Variants in RDH10 observed in about 807,000 individuals in gnomAD.
RDH10 encodes retinol dehydrogenase 10 (all-trans).
A neutral mutation model predicts 30.2 loss-of-function variants in RDH10; 12 were observed. The observed-to-expected ratio is 0.40, with a 90% CI of 0.25 to 0.64. RDH10 has a LOEUF of 0.64. Among genes scored for constraint, RDH10 ranks in the 30% least tolerant of loss-of-function variants. RDH10 has a pLI of 0.43. For missense variants in RDH10, 268 were observed against 445.2 expected, an observed-to-expected ratio of 0.60 and a Z score of 3.58; for synonymous variants, 189 against 172.2, an observed-to-expected ratio of 1.10 and a Z score of -0.76.
At chr8:73,299,743 G>C (rs1425378023) in intron 2 of RDH10, among the ~76,000 whole-genome samples, 1 of 152,178 alleles carries the variant, frequency 6.6e-6, no homozygotes, top group Non-Finnish European at 1.5e-5. Context: ...GTGTAATCAG[G>C]TTTTTAAGAA....
rs1321192669 is a variant in RDH10, at chr8:73,295,173, C to T, written c.-117C>T. 13 of 1,027,734 alleles carry T rather than the reference C, an allele frequency of 1.3e-5. No homozygotes were observed. Among genetic ancestry groups the T allele is most frequent in the African/African-American group, 3.4e-5 (2 of 58,366 alleles). The allele number at this position is 1,027,734 out of a possible 1,614,324, so 63.7% of individuals were successfully genotyped here. A position where few individuals can be genotyped will look rare whatever the true frequency, so the allele number is the denominator to read the frequency against. On this transcript the variant is annotated 5_prime_UTR_variant, in exon 1 of 6. Transcript: ENST00000240285. ...GGGCACCTCGGGGGCGGGCGCGGGG[C>T]GCAGCCTTCTCGTCCCGGCCTCTGT...
chr8:73,301,329 C>T (rs1481986012), intron 2 of RDH10, among the ~76,000 whole-genome samples: 3 of 150,824 alleles, frequency 2.0e-5, no homozygotes, highest in Admixed American at 6.6e-5. Flanking sequence ...GGATTACAGG[C>T]GTGAGCCACC....
intron 3 of RDH10, among the ~76,000 whole-genome samples, chr8:73,320,568 T>G (rs1377203444): frequency 6.6e-6 from 1 of 151,886 alleles, no homozygotes; most frequent in Non-Finnish European, 1.5e-5. Flanking sequence ...CCTCCCAGGT[T>G]CAAGCAATTC....
chr8:73,316,813 G>C (rs114058692), intron 2 of RDH10, among the ~76,000 whole-genome samples: 1 of 152,146 alleles, frequency 6.6e-6, no homozygotes. Context: ...GCAGGAGGAA[G>C]CGAGGGGGTG....
In RDH10 at chr8:73,314,516, G is replaced by A. The variant is rs374355928; in HGVS notation, c.526-4580G>A. Among the ~76,000 whole-genome samples, 7 of 152,336 alleles carry A rather than the reference G, an allele frequency of 4.6e-5. No homozygotes were observed. In the East Asian group the frequency reaches 9.6e-4, roughly 21 times the overall value. Reference sequence around the variant, plus strand: ...ATTAACAGCCTTCGTGCTCAGTCACGTGTACTGGGCTCCAGCGGGAACCTG... The same window carrying A: ...ATTAACAGCCTTCGTGCTCAGTCACATGTACTGGGCTCCAGCGGGAACCTG... On this transcript the variant is annotated intron_variant, in intron 2 of 5. Transcript: ENST00000240285.
chr8:73,298,836 T>C (rs1814325924), intron 2 of RDH10, among the ~76,000 whole-genome samples: 1 of 152,022 alleles, frequency 6.6e-6, no homozygotes, highest in South Asian at 2.1e-4. Context: ...TATTTTGAGA[T>C]GGAATTTTGG....
At chr8:73,295,635 C>T (rs974133047) in intron 1 of RDH10, 57 bp downstream of exon 1, 2 of 1,415,858 alleles carry the variant, frequency 1.4e-6, no homozygotes, top group Non-Finnish European at 9.3e-7. Flanking sequence ...ACCCCGCGCC[C>T]TACCACGGCA....
At chr8:73,312,637 A>G (rs1438842551) in intron 2 of RDH10, 1 of 152,252 alleles carries the variant, frequency 6.6e-6, no homozygotes, top group Non-Finnish European at 1.5e-5. Context: ...AACCATGTGA[A>G]GGGTGCCGTA....
At chr8:73,306,845 GCTT>G (rs1295317088) in intron 2 of RDH10, among the ~76,000 whole-genome samples, 3 of 152,184 alleles carry the variant, frequency 2.0e-5, no homozygotes, top group African/African-American at 7.2e-5. Flanking sequence ...ACATGGTGCA[GCTT>G]CTTAGTGTTA....
intron 2 of RDH10, among the ~76,000 whole-genome samples, chr8:73,302,148 A>G (rs1814390641): frequency 6.6e-6 from 1 of 152,304 alleles, no homozygotes; most frequent in South Asian, 2.1e-4. Flanking sequence ...ACAGCCTTCC[A>G]GTCTGCTGTG....
At chr8:73,312,227 A>G (rs528106015) in intron 2 of RDH10, 39 of 152,358 alleles carry the variant, frequency 2.6e-4, no homozygotes, top group African/African-American at 8.9e-4. Flanking sequence ...TATAGGAGGT[A>G]TGGTCCCCTG....
At position 73,324,625 on chromosome 8, in the gene RDH10, T is replaced by A. The variant is rs76689410; in HGVS notation, c.*1589T>A. The A allele has an allele frequency of 1.3e-5, 2 of 152,220 alleles. No individual in the cohort carries two copies. The highest frequency in any genetic ancestry group is 4.8e-5 in the African/African-American group (2 of 41,458). The allele number at this position is 152,220 out of a possible 1,614,324, so 9.4% of individuals were successfully genotyped here. ...TAAGGAAAATTATTGTGTTTTTTTTTATGATCATTATCCCACTTTAGGTAA... is the reference window on the plus strand; with the variant it reads ...TAAGGAAAATTATTGTGTTTTTTTTAATGATCATTATCCCACTTTAGGTAA... On this transcript the variant is annotated 3_prime_UTR_variant, in exon 6 of 6. Transcript: ENST00000240285.
At chr8:73,306,590 G>A (rs1814466239) in intron 2 of RDH10, among the ~76,000 whole-genome samples, 1 of 152,212 alleles carries the variant, frequency 6.6e-6, no homozygotes, top group African/African-American at 2.4e-5. Flanking sequence ...GCAACCTTGA[G>A]TGCTGTCAAA....
chr8:73,310,208 T>C (rs953514883), intron 2 of RDH10, among the ~76,000 whole-genome samples: 1 of 152,234 alleles, frequency 6.6e-6, no homozygotes, highest in African/African-American at 2.4e-5. Flanking sequence ...TTTTTAACAA[T>C]GCCTATCCCA....
rs1249397897 is a variant in RDH10 at position 73,323,512 on chromosome 8, T to C, written c.*476T>C. ...TTCCGTTTTGCAAGGCCTAGGTGAC[T>C]TTTTCATGGTGTTTGTATGTTTAGC... On this transcript the variant is annotated 3_prime_UTR_variant, in exon 6 of 6. Transcript: ENST00000240285. The C allele has an allele frequency of 6.4e-6, 1 of 157,058 alleles. No homozygotes were observed. The highest frequency in any genetic ancestry group is 1.4e-5 in the Non-Finnish European group (1 of 70,522). 9.7% of individuals were successfully genotyped at this position (157,058 alleles called of 1,614,324 possible).
rs752747246 is a variant in RDH10 at position 73,322,780 on chromosome 8, G to A, written c.872G>A (p.Arg291His). 3 of 1,614,006 alleles carry A rather than the reference G, an allele frequency of 1.9e-6. No homozygotes were observed. Among genetic ancestry groups the A allele is most frequent in the Non-Finnish European group, 2.5e-6 (3 of 1,180,026 alleles). The change falls in exon 5 of 6, where the codon CGC (arginine) becomes CAC (histidine). Residue 291 changes from arginine (R) to histidine (H), a missense_variant. This residue lies in a region of RDH10 where 136 missense variants were observed against 288.8 expected (regional missense o/e 0.47). Coordinates refer to ENST00000240285, the MANE Select transcript of RDH10 (RefSeq NM_172037.5). ...GACCAGCCCATGATCTGCACTCCCC[G>A]CCTCATGTACATCGTGACCTTCATG... ...LTDQPMICTP[R>H]LMYIVTFMKS...
chr8:73,320,479 T>TTG (rs199507078), intron 3 of RDH10, among the ~76,000 whole-genome samples: 7 of 110,320 alleles, frequency 6.3e-5, no homozygotes, highest in African/African-American at 3.3e-4. Flanking sequence ...GTTTTTGTTT[T>TTG]TTTTTTTTTG....
At chr8:73,317,576 A>G (rs1814695076) in intron 2 of RDH10, among the ~76,000 whole-genome samples, 1 of 152,178 alleles carries the variant, frequency 6.6e-6, no homozygotes, top group South Asian at 2.1e-4. Context: ...ACAGAAAAAC[A>G]TCAGAATTAA....
intron 4 of RDH10, 142 bp from the exon 5 acceptor site, chr8:73,322,537 T>C (rs1443243129): frequency 1.4e-5 from 10 of 721,712 alleles, no homozygotes; most frequent in Admixed American, 3.2e-5. Flanking sequence ...ATTTGGAAAA[T>C]ACAGAAAAGC....
Sources: gnomAD v4.1 joint callset for allele counts (sites outside exome capture counted in the v4.1 genomes callset) on GRCh38, gnomAD v4.1.1 for gene constraint, gnomAD v4.1.1 regional missense constraint, MANE v1.5 for transcripts, NCBI Gene and HGNC (gene_info 2026-07-23, HGNC 2026-07-21) for gene names.